PAPOLG: variants seen among roughly 807,000 people sequenced by gnomAD.
PAPOLG encodes the protein PAP-gamma.
Under a neutral mutation model 99.0 loss-of-function variants are expected in PAPOLG, and 40 were observed. The observed-to-expected ratio is 0.40, with a 90% CI of 0.31 to 0.53. The LOEUF (loss-of-function observed/expected upper bound fraction) is 0.53, where lower values mean the gene tolerates loss of function less well. Among genes scored for constraint, PAPOLG ranks in the 20% least tolerant of loss-of-function variants. PAPOLG has a pLI of 0.41. For missense variants in PAPOLG, 675 were observed against 884.1 expected, an observed-to-expected ratio of 0.76 and a Z score of 3.00; for synonymous variants, 310 against 299.3, an observed-to-expected ratio of 1.04 and a Z score of -0.37.
intron 5 of PAPOLG, among the ~76,000 whole-genome samples, 195 bp from the exon 6 acceptor site, chr2:60,770,263 A>G (rs1250992503): frequency 6.6e-6 from 1 of 152,246 alleles, no homozygotes; most frequent in South Asian, 2.1e-4. Flanking sequence ...AAACATTTTC[A>G]CTTTGTCTAT....
intron 7 of PAPOLG, among the ~76,000 whole-genome samples, chr2:60,772,350 G>A (rs1670877866): frequency 6.6e-6 from 1 of 151,920 alleles, no homozygotes; most frequent in African/African-American, 2.4e-5. Context: ...AGGAGGCTGA[G>A]GTGAGAGGAT....
intron 12 of PAPOLG, 53 bp from the exon 13 acceptor site, chr2:60,783,103 G>C (rs1356914331): frequency 1.5e-5 from 22 of 1,469,038 alleles, no homozygotes; most frequent in Non-Finnish European, 1.7e-5. Flanking sequence ...TAAAAAGCAG[G>C]CTGTAACAAT....
chr2:60,779,630 T>C lies in PAPOLG; in HGVS notation c.695-7T>C. The C allele has an allele frequency of 6.2e-7, 1 of 1,600,008 alleles. No homozygotes were observed. The highest frequency in any genetic ancestry group is 1.3e-5 in the African/African-American group (1 of 74,712). On this transcript the variant is annotated splice_polypyrimidine_tract_variant and splice_region_variant and intron_variant, in intron 8 of 21. Coordinates refer to ENST00000238714, the MANE Select transcript of PAPOLG (RefSeq NM_022894.4). Reference sequence around the variant, plus strand: ...AATAATAATTAACAAATATATTGATTTTCTAGGACGTGGTATTTATTCCAA... The same window carrying C: ...AATAATAATTAACAAATATATTGATCTTCTAGGACGTGGTATTTATTCCAA...
intron 8 of PAPOLG, among the ~76,000 whole-genome samples, chr2:60,775,939 AT>A (rs1671003595): frequency 6.6e-6 from 1 of 151,746 alleles, no homozygotes; most frequent in African/African-American, 2.4e-5. Context: ...AATTTTTTGT[AT>A]TTTTGGTAGA....
chr2:60,761,874 A>C lies in PAPOLG; in HGVS notation c.246+67A>C, dbSNP rs915887732. The C allele has an allele frequency of 2.0e-5, 23 of 1,137,950 alleles. No individual in the cohort carries two copies. In the South Asian group the frequency reaches 3.0e-4, roughly 15 times the overall value. The allele number at this position is 1,137,950 out of a possible 1,614,324, so 70.5% of individuals were successfully genotyped here. On this transcript the variant is annotated intron_variant, in intron 3 of 21. Transcript: ENST00000238714. Reference sequence around the variant, plus strand: ...CTTGGCCATTCATCCTGGCAATAAGATGCAGGTGTTGAGAAGTATCTGAAA... The same window carrying C: ...CTTGGCCATTCATCCTGGCAATAAGCTGCAGGTGTTGAGAAGTATCTGAAA...
chr2:60,772,446 C>CA (rs35297734), intron 7 of PAPOLG, among the ~76,000 whole-genome samples: 19,386 of 83,904 alleles, frequency 0.23, 1,645 homozygotes, highest in Middle Eastern at 0.29. Flanking sequence ...GACCCTGTCT[C>CA]AAAAAAAAAA....
chr2:60,777,695 T>G (rs957750978), intron 8 of PAPOLG, among the ~76,000 whole-genome samples: 3 of 152,178 alleles, frequency 2.0e-5, no homozygotes, highest in Non-Finnish European at 4.4e-5. Flanking sequence ...ATACGACTCT[T>G]TCTTTTACTT....
At chr2:60,787,726 T>A in intron 15 of PAPOLG, 106 bp downstream of exon 15, 1 of 1,390,304 alleles carries the variant, frequency 7.2e-7, no homozygotes, top group Non-Finnish European at 9.8e-7. Flanking sequence ...CACAATTGGT[T>A]AAGTGAACAT....
At chr2:60,788,741 A>G (rs1671441685) in intron 15 of PAPOLG, among the ~76,000 whole-genome samples, 2 of 152,144 alleles carry the variant, frequency 1.3e-5, no homozygotes, top group South Asian at 4.1e-4. Flanking sequence ...AGTGCTTGTA[A>G]TCCTAATACT....
At chr2:60,783,297 T>TAAGAAAGTAA (rs1671250698) in intron 13 of PAPOLG, 88 bp downstream of exon 13, 1 of 703,498 alleles carries the variant, frequency 1.4e-6, no homozygotes, top group Non-Finnish European at 2.3e-6. Flanking sequence ...AGTACTTTCT[T>TAAGAAAGTAA]GCTTGATTTT....
intron 3 of PAPOLG, among the ~76,000 whole-genome samples, chr2:60,765,616 C>T (rs574337811): frequency 2.0e-5 from 3 of 152,194 alleles, no homozygotes; most frequent in African/African-American, 7.2e-5. Context: ...TGAATCTGTA[C>T]ACAATTGGGA....
intron 3 of PAPOLG, among the ~76,000 whole-genome samples, chr2:60,766,888 C>T (rs143938342): frequency 6.6e-6 from 1 of 152,262 alleles, no homozygotes; most frequent in East Asian, 1.9e-4. Flanking sequence ...TTTTCAACAA[C>T]AGGCCCAAGG....
intron 3 of PAPOLG, among the ~76,000 whole-genome samples, chr2:60,767,733 A>G (rs144158372): frequency 4.6e-5 from 7 of 152,262 alleles, no homozygotes; most frequent in African/African-American, 1.7e-4. Flanking sequence ...GAAATTAAAC[A>G]TACCTGTCAC....
intron 7 of PAPOLG, among the ~76,000 whole-genome samples, chr2:60,771,854 G>T (rs561601468): frequency 6.6e-6 from 1 of 152,230 alleles, no homozygotes; most frequent in East Asian, 1.9e-4. Context: ...CTGGTCTCAA[G>T]ACTTCTTTAC....
intron 12 of PAPOLG, 74 bp downstream of exon 12, chr2:60,782,844 T>C (rs931374855): frequency 8.3e-6 from 12 of 1,443,736 alleles, no homozygotes; most frequent in South Asian, 5.6e-5. Context: ...ATAGTTAATA[T>C]ATGGCAGGTG....
chr2:60,791,002 T>C (rs1671514438), intron 15 of PAPOLG, among the ~76,000 whole-genome samples: 1 of 151,700 alleles, frequency 6.6e-6, no homozygotes, highest in Non-Finnish European at 1.5e-5. Flanking sequence ...GGCAGGAGAA[T>C]AGCTTGAACC....
At chr2:60,795,056 A>T (rs1325278355) in intron 21 of PAPOLG, 36 bp downstream of exon 21, 1 of 1,529,080 alleles carries the variant, frequency 6.5e-7, no homozygotes, top group Non-Finnish European at 9.0e-7. Flanking sequence ...TACAGTACAT[A>T]GGTAAAAACT....
chr2:60,764,478 G>A (rs1231532764), intron 3 of PAPOLG, among the ~76,000 whole-genome samples: 5 of 150,824 alleles, frequency 3.3e-5, no homozygotes, highest in Non-Finnish European at 7.4e-5. Context: ...ATGCAGTGGC[G>A]CGATCTCAGC....
At chr2:60,770,638 TGAA>T (rs1670824182) in intron 6 of PAPOLG, 127 bp downstream of exon 6, 1 of 569,776 alleles carries the variant, frequency 1.8e-6, no homozygotes, top group East Asian at 3.2e-5. Context: ...TTTTTTTTAA[TGAA>T]GAGATGGGGT....
Sources: allele counts gnomAD v4.1 joint callset (sites outside exome capture counted in the v4.1 genomes callset), GRCh38; gene constraint gnomAD v4.1.1; transcripts MANE v1.5; gene names NCBI Gene and HGNC (gene_info 2026-07-23, HGNC 2026-07-21).